Variants in CTNND2 observed in about 807,000 individuals in gnomAD.
CTNND2 encodes the protein catenin delta 2.
CTNND2 carries 22 observed loss-of-function variants against 144.4 expected under a neutral mutation model. The observed-to-expected ratio is 0.15, with a 90% CI of 0.11 to 0.22. CTNND2 has a LOEUF of 0.22. CTNND2 is among the 10% of genes least tolerant of loss of function. The probability of loss-of-function intolerance (pLI) is 1.00; values close to 1 mark genes in which losing one functional copy is unlikely to be tolerated. For missense variants in CTNND2, 1,353 were observed against 1,618.8 expected (o/e 0.84, Z 2.82); for synonymous variants, 751 against 695.6 (o/e 1.08, Z -1.25).
rs1739150915 is a variant in CTNND2 at position 11,216,153 on chromosome 5, G to A, written c.1762-16492C>T. Among the ~76,000 whole-genome samples the A allele has an allele frequency of 2.0e-5, 3 of 152,152 alleles. No individual in the cohort carries two copies. The South Asian group carries it at 6.2e-4, about 32-fold the overall frequency. On this transcript the variant is annotated intron_variant, in intron 10 of 21. Coordinates refer to ENST00000304623, the MANE Select transcript of CTNND2 (RefSeq NM_001332.4). Reference sequence around the variant, plus strand: ...ATCCTGCAGGCAGACGTGCAGCTGTGCAGGGTTCCTCTAAGAGCTGAGAGA... The same window carrying A: ...ATCCTGCAGGCAGACGTGCAGCTGTACAGGGTTCCTCTAAGAGCTGAGAGA...
chr5:11,746,483 A>T (rs957969327), intron 1 of CTNND2, among the ~76,000 whole-genome samples: 3 of 144,996 alleles, frequency 2.1e-5, no homozygotes, highest in African/African-American at 2.4e-5. Flanking sequence ...TTCTGGGATT[A>T]AAAAAAACTT....
intron 12 of CTNND2, among the ~76,000 whole-genome samples, chr5:11,152,259 A>G (rs72730910): frequency 0.098 from 14,886 of 152,286 alleles, 1,060 homozygotes; most frequent in Admixed American, 0.24. Flanking sequence ...AGTAATTTCA[A>G]CTGCAAACTC....
At chr5:11,279,132 G>T (rs1746855306) in intron 9 of CTNND2, among the ~76,000 whole-genome samples, 1 of 152,136 alleles carries the variant, frequency 6.6e-6, no homozygotes, top group Non-Finnish European at 1.5e-5. Context: ...GGGCAGATGA[G>T]AATACATGAT....
intron 3 of CTNND2, among the ~76,000 whole-genome samples, chr5:11,468,969 T>C (rs78005270): frequency 0.094 from 14,368 of 152,138 alleles, 2,181 homozygotes; most frequent in African/African-American, 0.32. Context: ...TTTTTCAGCT[T>C]GGGTTTCTGC....
intron 9 of CTNND2, among the ~76,000 whole-genome samples, chr5:11,252,159 A>G (rs1455095007): frequency 6.6e-6 from 1 of 152,144 alleles, no homozygotes; most frequent in African/African-American, 2.4e-5. Flanking sequence ...CTTGTACGTG[A>G]ACTTAAGGGA....
At chr5:11,254,850 G>A (rs1055762026) in intron 9 of CTNND2, among the ~76,000 whole-genome samples, 1 of 152,138 alleles carries the variant, frequency 6.6e-6, no homozygotes, top group Admixed American at 6.5e-5. Context: ...CTGAGAAACC[G>A]TGGTGTATAC....
Position 11,159,677 on chromosome 5 carries a change from C to T in CTNND2, c.2058G>A (p.Val686=), listed in dbSNP as rs377407186. The T allele has an allele frequency of 5.0e-6, 8 of 1,613,330 alleles. No homozygotes were observed. The highest frequency in any genetic ancestry group is 4.0e-5 in the African/African-American group (3 of 74,884). The change falls in exon 12 of 22, where the codon GTG becomes GTA. Residue 686 remains valine (V), a synonymous_variant. Transcript: ENST00000304623. ...QDALAVLTNA[V]IIPHSGWENS... Reference sequence around the variant, plus strand: ...TTTCCCAGCCTGAGTGGGGGATAATCACCGCGTTGGTCAGTACTGCTAGGG... The same window carrying T: ...TTTCCCAGCCTGAGTGGGGGATAATTACCGCGTTGGTCAGTACTGCTAGGG...
intron 9 of CTNND2, among the ~76,000 whole-genome samples, chr5:11,288,222 A>C (rs1747950758): frequency 2.0e-5 from 3 of 152,224 alleles, no homozygotes; most frequent in Non-Finnish European, 4.4e-5. Context: ...TAGGATTCCA[A>C]AAGTAACACA....
chr5:11,847,661 A>G (rs1794812328), intron 1 of CTNND2, among the ~76,000 whole-genome samples: 1 of 152,140 alleles, frequency 6.6e-6, no homozygotes, highest in Non-Finnish European at 1.5e-5. Flanking sequence ...GATAAATGTA[A>G]AAGTGTTGAA....
At chr5:11,783,375 T>C (rs1269893738) in intron 1 of CTNND2, among the ~76,000 whole-genome samples, 2 of 152,032 alleles carry the variant, frequency 1.3e-5, no homozygotes, top group African/African-American at 2.4e-5. Flanking sequence ...CTAAAAACCA[T>C]TCTTCTGCAC....
At chr5:11,434,638 AAG>A (rs78498172) in intron 3 of CTNND2, among the ~76,000 whole-genome samples, 21,128 of 152,170 alleles carry the variant, frequency 0.14, 2,351 homozygotes, top group African/African-American at 0.31. Context: ...AGCATTTGGA[AAG>A]AGGGGGTAGA....
chr5:11,377,835 G>A (rs1248418322), intron 7 of CTNND2, among the ~76,000 whole-genome samples: 1 of 152,166 alleles, frequency 6.6e-6, no homozygotes, highest in Non-Finnish European at 1.5e-5. Flanking sequence ...ACATCAGTTG[G>A]ATAGAAATTG....
At chr5:11,004,806 C>T (rs529581361) in intron 18 of CTNND2, among the ~76,000 whole-genome samples, 1 of 147,324 alleles carries the variant, frequency 6.8e-6, no homozygotes, top group East Asian at 2.0e-4. Flanking sequence ...ATGCTAATGA[C>T]AATGTGAATG....
In CTNND2 at chr5:11,681,332, A is replaced by T. The variant is rs151024856; in HGVS notation, c.174+50804T>A. The stretch of plus-strand genomic sequence containing the variant: ...TGACACTCCAGAAGTACTCGGATGA[A>T]TCTAAAGGATGCAGATTAAAGTCTC... On this transcript the variant is annotated intron_variant, in intron 2 of 21. Coordinates refer to ENST00000304623, the MANE Select transcript of CTNND2 (RefSeq NM_001332.4). 4.0e-3 allele frequency among the ~76,000 whole-genome samples: 602 copies of T among 152,336 alleles called. 17 individuals carry two copies. Among genetic ancestry groups the T allele is most frequent in the Non-Finnish European group, 2.1e-3 (146 of 68,030 alleles).
intron 3 of CTNND2, among the ~76,000 whole-genome samples, chr5:11,480,644 A>ATGTGTGTGTG (rs112150074): frequency 0.18 from 24,277 of 137,826 alleles, 2,196 homozygotes; most frequent in South Asian, 0.27. Context: ...GAAAATACAT[A>ATGTGTGTGTG]TATGTGTGTG....
At chr5:11,821,868 C>T (rs1201272061) in intron 1 of CTNND2, among the ~76,000 whole-genome samples, 1 of 152,098 alleles carries the variant, frequency 6.6e-6, no homozygotes, top group Non-Finnish European at 1.5e-5. Flanking sequence ...ATTTAGTACT[C>T]CATATACTGA....
rs1482505379 is a variant in CTNND2, at chr5:11,094,584, A to G, written c.2637+3991T>C. Among the ~76,000 whole-genome samples the G allele has an allele frequency of 3.4e-5, 5 of 146,088 alleles. No individual in the cohort carries two copies. The Admixed American group carries it at 3.5e-4, about 10-fold the overall frequency. On this transcript the variant is annotated intron_variant, in intron 15 of 21. Coordinates refer to ENST00000304623, the MANE Select transcript of CTNND2 (RefSeq NM_001332.4). ...AATCTCCGCCTCCCAGGTTCAAGGG[A>G]TTCTCCTGCCTCAGCCTCCTGAGTA...
rs1171628971 is a variant in CTNND2, at chr5:11,346,477, T to C, written c.1523A>G (p.Tyr508Cys). The change falls in exon 9 of 22, where the codon TAT becomes TGT. Residue 508 changes from tyrosine (Y) to cysteine (C), a missense_variant. This residue lies in a region of CTNND2 where 708 missense variants were observed against 706.4 expected (regional missense o/e 1.00). Transcript: ENST00000304623. ...NYADPYRQLQYCPSVESPYSK... is the reference protein window; with the variant it reads ...NYADPYRQLQCCPSVESPYSK... ...GTATGGAGACTCAACAGAGGGACAA[T>C]ACTGCAGCTGTCGGTAGGGGTCCGC... 6.2e-7 allele frequency: 1 copy of C among 1,603,002 alleles called. No homozygotes were observed. The highest frequency in any genetic ancestry group is 1.1e-5 in the South Asian group (1 of 89,208).
intron 2 of CTNND2, among the ~76,000 whole-genome samples, chr5:11,609,602 G>A (rs1464409698): frequency 6.6e-6 from 1 of 152,036 alleles, no homozygotes; most frequent in Non-Finnish European, 1.5e-5. Context: ...TAATAGTATT[G>A]GACAATGAAC....
Sources: gnomAD v4.1 joint callset for allele counts (sites outside exome capture counted in the v4.1 genomes callset) on GRCh38, gnomAD v4.1.1 for gene constraint, gnomAD v4.1.1 regional missense constraint, MANE v1.5 for transcripts, NCBI Gene and HGNC (gene_info 2026-07-23, HGNC 2026-07-21) for gene names.